Variants in SOAT1 observed in about 807,000 individuals in gnomAD.
The protein encoded by SOAT1 is acyl-coenzyme A:cholesterol acyltransferase 1.
SOAT1 carries 55 observed loss-of-function variants against 69.5 expected under a neutral mutation model. The observed-to-expected ratio is 0.79, with a 90% confidence interval of 0.64 to 0.99. The LOEUF (loss-of-function observed/expected upper bound fraction) is 0.99. SOAT1 is among the 50% of genes least tolerant of loss of function. The pLI is 0.00. For missense variants in SOAT1, 580 were observed against 669.3 expected, an observed-to-expected ratio of 0.87 and a Z score of 1.47; for synonymous variants, 231 against 224.7, an observed-to-expected ratio of 1.03 and a Z score of -0.25.
chr1:179,348,590 C>G (rs1666610680), intron 12 of SOAT1, among the ~76,000 whole-genome samples: 3 of 152,152 alleles, frequency 2.0e-5, no homozygotes, highest in Admixed American at 2.0e-4. Context: ...AACCTAGGAA[C>G]TAAATCATAT....
At chr1:179,323,520 C>G (rs776776654) in intron 3 of SOAT1, 25 bp downstream of exon 3, 5 of 1,594,616 alleles carry the variant, frequency 3.1e-6, no homozygotes, top group Non-Finnish European at 3.4e-6. Context: ...CTTCTAGAAA[C>G]AAAAATGTAG....
At chr1:179,345,920 A>ATT (rs139395415) in intron 11 of SOAT1, among the ~76,000 whole-genome samples, 26 of 151,816 alleles carry the variant, frequency 1.7e-4, no homozygotes, top group Admixed American at 9.2e-4. Context: ...TATTTATTGC[A>ATT]TTTTTTTGTC....
chr1:179,342,196 T>C lies in SOAT1; in HGVS notation c.859+4T>C. 1 of 1,607,270 alleles carries C rather than the reference T, an allele frequency of 6.2e-7. No homozygotes were observed. The highest frequency in any genetic ancestry group is 8.5e-7 in the Non-Finnish European group (1 of 1,174,740). On this transcript the variant is annotated splice_donor_region_variant and intron_variant, in intron 8 of 15. Transcript: ENST00000367619. ...AATTCAGCTAAGGAGAAATCAAGTATGTAATTTCTTTTGTTCATTATTTCT... is the reference window on the plus strand; with the variant it reads ...AATTCAGCTAAGGAGAAATCAAGTACGTAATTTCTTTTGTTCATTATTTCT...
chr1:179,297,337 CCTTTT>C (rs1011160968), intron 1 of SOAT1, among the ~76,000 whole-genome samples: 42 of 152,176 alleles, frequency 2.8e-4, no homozygotes, highest in African/African-American at 6.7e-4. Context: ...CATGTCCTGT[CCTTTT>C]CTTTTCTTTT....
intron 8 of SOAT1, among the ~76,000 whole-genome samples, chr1:179,342,522 C>T (rs1666377260): frequency 6.6e-6 from 1 of 151,862 alleles, no homozygotes; most frequent in Non-Finnish European, 1.5e-5. Flanking sequence ...CCGGCTTTGC[C>T]CTTGAACCTA....
At chr1:179,302,551 C>A in intron 1 of SOAT1, 126 bp from the exon 2 acceptor site, 1 of 532,834 alleles carries the variant, frequency 1.9e-6, no homozygotes, top group Non-Finnish European at 3.2e-6. Flanking sequence ...TTTCCTGAGG[C>A]CTTTCCAGCC....
chr1:179,349,356 T>C (rs1207088298), intron 13 of SOAT1, among the ~76,000 whole-genome samples: 1 of 136,408 alleles, frequency 7.3e-6, no homozygotes, highest in African/African-American at 2.7e-5. Flanking sequence ...TGAGAGAGTT[T>C]CGCTCTTGTT....
At chr1:179,297,806 C>T (rs946358533) in intron 1 of SOAT1, among the ~76,000 whole-genome samples, 4 of 149,544 alleles carry the variant, frequency 2.7e-5, no homozygotes, top group African/African-American at 4.9e-5. Context: ...CCGAGGCAGG[C>T]GGATCACCTG....
intron 1 of SOAT1, among the ~76,000 whole-genome samples, chr1:179,298,867 A>T (rs1664739048): frequency 6.6e-6 from 1 of 152,164 alleles, no homozygotes; most frequent in Non-Finnish European, 1.5e-5. Flanking sequence ...AAAGTTGAAA[A>T]ATTTTAAATT....
Position 179,339,461 on chromosome 1 carries a change from T to C in SOAT1, c.413T>C (p.Ile138Thr). Residue 138 changes from isoleucine to threonine, a missense_variant, in exon 6 of 16, where the codon ATC becomes ACC. By Grantham distance (89) the Ile-to-Thr change is moderately conservative. Coordinates refer to ENST00000367619, the MANE Select transcript of SOAT1 (RefSeq NM_003101.6). The stretch of plus-strand genomic sequence containing the variant: ...AGTGAACTGCTTGAAGTGGACCACA[T>C]CAGAACAATATATCACATGTTTATT... The part of the protein sequence containing the change: ...LLDELLEVDH[I>T]RTIYHMFIAL... 1 of 1,612,000 alleles carries C rather than the reference T, an allele frequency of 6.2e-7. No homozygotes were observed. The highest frequency in any genetic ancestry group is 8.5e-7 in the Non-Finnish European group (1 of 1,179,056).
At chr1:179,349,042 C>T (rs1431906116) in intron 13 of SOAT1, 100 bp downstream of exon 13, 5 of 712,172 alleles carry the variant, frequency 7.0e-6, no homozygotes, top group East Asian at 2.5e-5. Flanking sequence ...TTTAATTGCT[C>T]ATGAGGAAAG....
chr1:179,317,305 G>A (rs548381684), intron 2 of SOAT1, among the ~76,000 whole-genome samples: 2 of 152,232 alleles, frequency 1.3e-5, no homozygotes, highest in East Asian at 1.9e-4. Flanking sequence ...AGGCCGAGGC[G>A]GGCGGATCAC....
chr1:179,342,302 T>A, intron 8 of SOAT1, 110 bp downstream of exon 8: 1 of 588,134 alleles, frequency 1.7e-6, no homozygotes, highest in East Asian at 3.0e-5. Context: ...CCTCCCTCCC[T>A]CTCTCTTTTT....
chr1:179,319,828 C>T (rs1395994160), intron 2 of SOAT1, among the ~76,000 whole-genome samples: 1 of 152,086 alleles, frequency 6.6e-6, no homozygotes, highest in African/African-American at 2.4e-5. Flanking sequence ...ATTGTCCAGG[C>T]TGGTCTCAAA....
intron 1 of SOAT1, among the ~76,000 whole-genome samples, 189 bp from the exon 2 acceptor site, chr1:179,302,488 C>T (rs956847334): frequency 5.9e-5 from 9 of 152,168 alleles, no homozygotes; most frequent in African/African-American, 2.2e-4. Context: ...GTCTCTCCTG[C>T]CGCCACGTAA....
chr1:179,323,333 C>T (rs780192060), intron 2 of SOAT1, 104 bp from the exon 3 acceptor site: 105 of 881,126 alleles, frequency 1.2e-4, no homozygotes, highest in East Asian at 2.6e-4. Flanking sequence ...CCACAGTTTA[C>T]GCAGTTACCT....
intron 9 of SOAT1, 129 bp downstream of exon 9, chr1:179,343,072 G>A: frequency 1.5e-6 from 1 of 678,476 alleles, no homozygotes; most frequent in Non-Finnish European, 2.6e-6. Flanking sequence ...TTTTCTGTCT[G>A]ACCTGAGAAG....
intron 1 of SOAT1, among the ~76,000 whole-genome samples, chr1:179,301,391 C>T (rs928541042): frequency 1.2e-4 from 19 of 152,322 alleles, no homozygotes; most frequent in African/African-American, 4.6e-4. Context: ...CTAGTCTTTT[C>T]CCTCATCACA....
chr1:179,304,788 A>C (rs1664948366), intron 2 of SOAT1, among the ~76,000 whole-genome samples: 1 of 151,884 alleles, frequency 6.6e-6, no homozygotes, highest in Non-Finnish European at 1.5e-5. Context: ...AGCTGGGATT[A>C]CAGGCATGTG....
Sources: gnomAD v4.1 joint callset for allele counts (sites outside exome capture counted in the v4.1 genomes callset) on GRCh38, gnomAD v4.1.1 for gene constraint, MANE v1.5 for transcripts, NCBI Gene and HGNC (gene_info 2026-07-23, HGNC 2026-07-21) for gene names.